ADAM7: variants seen among roughly 807,000 people sequenced by gnomAD.
ADAM7 encodes the protein ADAM metallopeptidase domain 7.
ADAM7 carries 97 observed loss-of-function variants against 102.9 expected under a neutral mutation model. That is an observed-to-expected ratio of 0.94 (90% CI 0.80 to 1.12). The LOEUF (loss-of-function observed/expected upper bound fraction) is 1.12, where lower values mean the gene tolerates loss of function less well. Among genes scored for constraint, ADAM7 ranks in the 50% most tolerant of loss-of-function variants. ADAM7 has a pLI of 0.00. For missense variants in ADAM7, 991 were observed against 908.7 expected (o/e 1.09, Z -1.16); for synonymous variants, 334 against 304.4 (o/e 1.10, Z -1.01).
In ADAM7 at chr8:24,490,799, G is replaced by A; in HGVS notation, c.1267G>A (p.Glu423Lys). The A allele has an allele frequency of 1.2e-6, 2 of 1,612,950 alleles. No homozygotes were observed. Among genetic ancestry groups the A allele is most frequent in the Non-Finnish European group, 1.7e-6 (2 of 1,179,472 alleles). Residue 423 changes from glutamate (E) to lysine (K), a missense_variant and splice_region_variant, in exon 13 of 22, where the codon GAG (glutamate) becomes AAG (lysine). By Grantham distance (56) the Glu-to-Lys change is moderately conservative. Transcript: ENST00000175238. ...ATCTCTCTTTTGTGGTTATTGCCAG[G>A]AGTGTACTAATCCTTGCTGTGATGC... is the stretch of plus-strand genomic sequence containing the variant. ...GEECDCGPAQ[E>K]CTNPCCDAHT...
At chr8:24,465,258 T>C (rs914412459) in intron 4 of ADAM7, among the ~76,000 whole-genome samples, 9 of 152,132 alleles carry the variant, frequency 5.9e-5, no homozygotes, top group African/African-American at 2.2e-4. Flanking sequence ...ATGGAAATGA[T>C]GGGAAAAATA....
At chr8:24,494,735 T>C (rs910664123) in intron 16 of ADAM7, among the ~76,000 whole-genome samples, 1 of 152,204 alleles carries the variant, frequency 6.6e-6, no homozygotes, top group Non-Finnish European at 1.5e-5. Flanking sequence ...CTTTTTGGCA[T>C]TGATATGCTA....
At chr8:24,485,391 T>A in intron 10 of ADAM7, 30 bp downstream of exon 10, 2 of 1,584,084 alleles carry the variant, frequency 1.3e-6, no homozygotes, top group Middle Eastern at 1.7e-4. Flanking sequence ...TATTACTTAA[T>A]AATGTTTGAA....
chr8:24,509,565 A>C lies in ADAM7; in HGVS notation c.*1019A>C. 2.0e-6 allele frequency: 2 copies of C among 984,524 alleles called. No homozygotes were observed. Among genetic ancestry groups the C allele is most frequent in the Non-Finnish European group, 2.4e-6 (2 of 829,120 alleles). The allele number at this position is 984,524 out of a possible 1,614,324, so 61.0% of individuals were successfully genotyped here. A position where few individuals can be genotyped will look rare whatever the true frequency, so the allele number is the denominator to read the frequency against. ...ATAAAGGCTACAAAAGAAGGAAGAA[A>C]GGCTGTTGTCCTTGTTGACATTGTT... On this transcript the variant is annotated 3_prime_UTR_variant, in exon 22 of 22. Coordinates refer to ENST00000175238, the MANE Select transcript of ADAM7 (RefSeq NM_003817.4).
chr8:24,504,549 G>A (rs1475376774), intron 20 of ADAM7, among the ~76,000 whole-genome samples: 1 of 152,040 alleles, frequency 6.6e-6, no homozygotes, highest in Non-Finnish European at 1.5e-5. Context: ...GGGATCGAAA[G>A]GCCCAAATTT....
chr8:24,466,233 A>C (rs961400492), intron 5 of ADAM7, among the ~76,000 whole-genome samples: 33 of 152,192 alleles, frequency 2.2e-4, no homozygotes, highest in African/African-American at 6.3e-4. Context: ...GCCTCTTGAA[A>C]GTAAAAATTC....
rs28727298 is a variant in ADAM7, at chr8:24,469,686, C to T, written c.633+866C>T. On this transcript the variant is annotated intron_variant, in intron 7 of 21. Coordinates refer to ENST00000175238, the MANE Select transcript of ADAM7 (RefSeq NM_003817.4). ...AATGATATTTCAGACTGTGCTGTGACACTAAATGTTTTAAAGTTATTAAAG... is the reference window on the plus strand; with the variant it reads ...AATGATATTTCAGACTGTGCTGTGATACTAAATGTTTTAAAGTTATTAAAG... 5.0e-3 allele frequency among the ~76,000 whole-genome samples: 763 copies of T among 152,142 alleles called. 8 individuals are homozygous for T. Among genetic ancestry groups the T allele is most frequent in the African/African-American group, 0.018 (728 of 41,508 alleles).
intron 2 of ADAM7, 51 bp from the exon 3 acceptor site, chr8:24,447,135 A>G: frequency 2.2e-5 from 24 of 1,082,258 alleles, no homozygotes; most frequent in Non-Finnish European, 3.0e-5. Context: ...TTGCTCCAGA[A>G]CACACTAAAT....
rs751797225 is a variant in ADAM7, at chr8:24,482,161, T to C, written c.725T>C (p.Ile242Thr). Residue 242 changes from isoleucine (I) to threonine (T), a missense_variant, in exon 9 of 22, where the codon ATC becomes ACC. Ile to Thr is a moderately conservative substitution (Grantham distance 89, BLOSUM62 -1). Transcript: ENST00000175238. ...FVNMIYKTLN[I>T]HVTLVGIEIW... ...GAACAGATTTATAAAACCTTAAACA[T>C]CCATGTGACGTTGGTTGGCATTGAA... 32 of 1,588,112 alleles carry C rather than the reference T, an allele frequency of 2.0e-5. No individual in the cohort carries two copies. Among genetic ancestry groups the C allele is most frequent in the Non-Finnish European group, 2.7e-5 (32 of 1,172,876 alleles).
At chr8:24,475,280 T>C (rs1014689388) in intron 7 of ADAM7, among the ~76,000 whole-genome samples, 2 of 152,166 alleles carry the variant, frequency 1.3e-5, no homozygotes, top group Admixed American at 6.5e-5. Flanking sequence ...TTCTCCACAG[T>C]GAATTTTAGG....
chr8:24,473,531 T>C (rs1819673422), intron 7 of ADAM7, among the ~76,000 whole-genome samples: 2 of 152,152 alleles, frequency 1.3e-5, no homozygotes. Context: ...TGTTTTCATG[T>C]CTCAAGCAAA....
Position 24,509,294 on chromosome 8 carries a change from C to G in ADAM7, c.*748C>G. 4 of 985,390 alleles carry G rather than the reference C, an allele frequency of 4.1e-6. No individual in the cohort carries two copies. The highest frequency in any genetic ancestry group is 4.8e-6 in the Non-Finnish European group (4 of 829,936). The allele number at this position is 985,390 out of a possible 1,614,324, so 61.0% of individuals were successfully genotyped here. On this transcript the variant is annotated 3_prime_UTR_variant, in exon 22 of 22. Transcript: ENST00000175238. Reference sequence around the variant, plus strand: ...ATGAAGGGTTTCTAAGGTCTTTGTCCTGTGCAATTTGACAATGTGCCATTT... The same window carrying G: ...ATGAAGGGTTTCTAAGGTCTTTGTCGTGTGCAATTTGACAATGTGCCATTT...
intron 16 of ADAM7, among the ~76,000 whole-genome samples, chr8:24,498,034 G>C (rs1820619112): frequency 6.6e-6 from 1 of 151,854 alleles, no homozygotes; most frequent in South Asian, 2.1e-4. Flanking sequence ...GTAATATATA[G>C]ACTGCACCTA....
chr8:24,469,055 C>T lies in ADAM7; in HGVS notation c.633+235C>T, dbSNP rs142670824. On this transcript the variant is annotated intron_variant, in intron 7 of 21. Coordinates refer to ENST00000175238, the MANE Select transcript of ADAM7 (RefSeq NM_003817.4). ...AAGAACATATGGAAATGCTGAATGA[C>T]ATACAAAAAGTTGAAAATATTTTAG... Among the ~76,000 whole-genome samples the T allele has an allele frequency of 3.1e-3, 475 of 152,174 alleles. 4 individuals are homozygous for T. Among genetic ancestry groups the T allele is most frequent in the Non-Finnish European group, 5.6e-3 (380 of 67,998 alleles).
intron 7 of ADAM7, among the ~76,000 whole-genome samples, chr8:24,471,142 T>C (rs923201521): frequency 3.3e-5 from 5 of 151,942 alleles, no homozygotes; most frequent in East Asian, 1.9e-4. Flanking sequence ...AGAATAGAGA[T>C]ATAAAGAAAA....
At chr8:24,492,272 T>C (rs1254914914) in intron 14 of ADAM7, 174 bp downstream of exon 14, 13 of 714,230 alleles carry the variant, frequency 1.8e-5, no homozygotes, top group Non-Finnish European at 2.3e-6. Flanking sequence ...TTACGTCTAA[T>C]ATTAACTATC....
intron 8 of ADAM7, among the ~76,000 whole-genome samples, chr8:24,480,746 G>T (rs1162324245): frequency 6.6e-6 from 1 of 151,952 alleles, no homozygotes; most frequent in African/African-American, 2.4e-5. Flanking sequence ...CATACATTAA[G>T]ATTAGGGTCA....
chr8:24,487,713 G>A (rs931121570), intron 11 of ADAM7, among the ~76,000 whole-genome samples: 4 of 151,966 alleles, frequency 2.6e-5, no homozygotes, highest in Non-Finnish European at 4.4e-5. Context: ...ATTATTGTAG[G>A]ATATGTTGTA....
intron 20 of ADAM7, chr8:24,506,294 T>C: frequency 2.8e-6 from 2 of 706,852 alleles, no homozygotes. Flanking sequence ...GAGGTAGAAA[T>C]GGGACACTCT....
Sources: allele counts gnomAD v4.1 joint callset (sites outside exome capture counted in the v4.1 genomes callset), GRCh38; gene constraint gnomAD v4.1.1; transcripts MANE v1.5; gene names NCBI Gene and HGNC (gene_info 2026-07-23, HGNC 2026-07-21).